Variants in METRNL observed in about 807,000 individuals in gnomAD.
The protein encoded by METRNL is meteorin-like protein.
In METRNL, 9 loss-of-function variants were observed where a neutral mutation model predicts 17.4. The observed-to-expected ratio is 0.52, with a 90% confidence interval of 0.31 to 0.90. The LOEUF (loss-of-function observed/expected upper bound fraction) is 0.90. METRNL is among the 40% of genes least tolerant of loss of function. METRNL has a pLI of 0.05. For synonymous variants in METRNL, 215 were observed against 199.3 expected, an observed-to-expected ratio of 1.08 and a Z score of -0.66; for missense variants, 408 against 430.7, an observed-to-expected ratio of 0.95 and a Z score of 0.47.
chr17:83,086,694 A>C (rs1189584399), intron 2 of METRNL, among the ~76,000 whole-genome samples: 1 of 152,242 alleles, frequency 6.6e-6, no homozygotes, highest in Non-Finnish European at 1.5e-5. Context: ...GCTGCGGGTC[A>C]CATGCTCTGT....
At chr17:83,082,729 A>G (rs2038003843) in intron 1 of METRNL, among the ~76,000 whole-genome samples, 1 of 152,190 alleles carries the variant, frequency 6.6e-6, no homozygotes, top group African/African-American at 2.4e-5. Context: ...TGGAGGTGAG[A>G]GATTTGAGGC....
At position 83,085,147 on chromosome 17, in the gene METRNL, T is replaced by C; in HGVS notation, c.380T>C (p.Leu127Pro). Residue 127 changes from leucine (L) to proline (P), a missense_variant, in exon 2 of 4, where the codon CTG (leucine) becomes CCG (proline). Physicochemically the swap from Leu to Pro is moderately conservative, Grantham distance 98. Coordinates refer to ENST00000320095, the MANE Select transcript of METRNL (RefSeq NM_001004431.3). ...ATTTATTTGGAAAAAACTGGAGAAC[T>C]GAGACTGCTGGTACCAGACGGGGAC... is the stretch of plus-strand genomic sequence containing the variant. ...ANIYLEKTGELRLLVPDGDGR... is the reference protein window; with the variant it reads ...ANIYLEKTGEPRLLVPDGDGR... The C allele has an allele frequency of 6.2e-7, 1 of 1,613,404 alleles. No homozygotes were observed. The highest frequency in any genetic ancestry group is 8.5e-7 in the Non-Finnish European group (1 of 1,179,888).
intron 1 of METRNL, among the ~76,000 whole-genome samples, chr17:83,081,278 G>A (rs1436623753): frequency 1.3e-5 from 2 of 152,136 alleles, no homozygotes; most frequent in African/African-American, 2.4e-5. Flanking sequence ...TTCAGCCCCG[G>A]CTCGCTGCCT....
At chr17:83,086,262 C>A (rs1191031653) in intron 2 of METRNL, among the ~76,000 whole-genome samples, 1 of 152,208 alleles carries the variant, frequency 6.6e-6, no homozygotes, top group East Asian at 1.9e-4. Flanking sequence ...TCTCTGAAAT[C>A]TCTCCCAGGT....
At chr17:83,092,581 G>A (rs1488957820) in intron 2 of METRNL, 1 of 119,476 alleles carries the variant, frequency 8.4e-6, no homozygotes, top group Non-Finnish European at 1.8e-5. Context: ...GGTTGGGGGC[G>A]ACTCTGGGAG....
In METRNL at chr17:83,083,633, G is replaced by A. The variant is rs74809032; in HGVS notation, c.171-1305G>A. On this transcript the variant is annotated intron_variant, in intron 1 of 3. Transcript: ENST00000320095. ...GCCACTCGTGACCTGGGGCCTTGTC[G>A]GGGTGGGGAGAGGGTGAGGAGGGGT... Among the ~76,000 whole-genome samples, 13 of 152,314 alleles carry A rather than the reference G, an allele frequency of 8.5e-5. 1 individual carries two copies. In the East Asian group the frequency reaches 2.3e-3, roughly 27 times the overall value.
At chr17:83,093,754 G>C (rs755078711) in intron 3 of METRNL, among the ~76,000 whole-genome samples, 2 of 152,094 alleles carry the variant, frequency 1.3e-5, no homozygotes, top group Non-Finnish European at 2.9e-5. Context: ...GCCTCCCGTC[G>C]TGTGGTGCCG....
At chr17:83,087,376 G>A (rs1337024883) in intron 2 of METRNL, among the ~76,000 whole-genome samples, 1 of 152,142 alleles carries the variant, frequency 6.6e-6, no homozygotes, top group African/African-American at 2.4e-5. Context: ...GTTCACCGGG[G>A]GCCCCCGGAG....
At position 83,089,297 on chromosome 17, in the gene METRNL, C is replaced by G. The variant is rs147489509; in HGVS notation, c.557-3870C>G. On this transcript the variant is annotated intron_variant, in intron 2 of 3. Coordinates refer to ENST00000320095, the MANE Select transcript of METRNL (RefSeq NM_001004431.3). ...CCGTCACCGGCTCCTCTAAAAGCAG[C>G]GTGTCCCCCCGCTACCCCGTCACCA... Among the ~76,000 whole-genome samples, 799 of 152,246 alleles carry G rather than the reference C, an allele frequency of 5.2e-3. 5 individuals carry two copies. Among genetic ancestry groups the G allele is most frequent in the African/African-American group, 0.016 (673 of 41,540 alleles).
intron 1 of METRNL, among the ~76,000 whole-genome samples, chr17:83,081,850 C>G (rs144801512): frequency 1.3e-5 from 2 of 152,310 alleles, no homozygotes; most frequent in African/African-American, 4.8e-5. Flanking sequence ...CCACACACGT[C>G]ACGAATCAGT....
intron 2 of METRNL, among the ~76,000 whole-genome samples, chr17:83,089,201 G>T (rs2038087309): frequency 6.6e-6 from 1 of 152,026 alleles, no homozygotes; most frequent in East Asian, 1.9e-4. Flanking sequence ...GGGTCCTCGA[G>T]CCCACTGGAG....
chr17:83,086,736 T>C (rs1209884943), intron 2 of METRNL, among the ~76,000 whole-genome samples: 1 of 152,198 alleles, frequency 6.6e-6, no homozygotes, highest in Admixed American at 6.5e-5. Context: ...CTGGGTGAGA[T>C]TCTTAGAGAG....
rs966230382 is a variant in METRNL at position 83,093,185 on chromosome 17, G to A, written c.575G>A (p.Ser192Asn). 3.4e-5 allele frequency: 55 copies of A among 1,608,174 alleles called. No individual in the cohort carries two copies. The highest frequency in any genetic ancestry group is 4.6e-5 in the Non-Finnish European group (54 of 1,179,938). The part of the protein sequence containing the change: ...HELSAPCRPC[S>N]DTEVLLAVCT... ...TCTCCAGCGCCGTGCCGTCCCTGCA[G>A]TGACACCGAGGTGCTCCTAGCCGTC... The change falls in exon 3 of 4, where the codon AGT becomes AAT. Residue 192 changes from serine (S) to asparagine (N), a missense_variant. Physicochemically the swap from Ser to Asn is conservative, Grantham distance 46. Transcript: ENST00000320095.
intron 2 of METRNL, 135 bp downstream of exon 2, chr17:83,085,458 A>C: frequency 8.1e-7 from 1 of 1,238,156 alleles, no homozygotes; most frequent in Non-Finnish European, 1.1e-6. Flanking sequence ...TGTGCTTCGG[A>C]CATGACTGTT....
chr17:83,081,594 C>T lies in METRNL; in HGVS notation c.170+1609C>T, dbSNP rs990980235. Among the ~76,000 whole-genome samples the T allele has an allele frequency of 6.6e-5, 10 of 152,130 alleles. No individual in the cohort carries two copies. In the East Asian group the frequency reaches 1.7e-3, roughly 26 times the overall value. On this transcript the variant is annotated intron_variant, in intron 1 of 3. Coordinates refer to ENST00000320095, the MANE Select transcript of METRNL (RefSeq NM_001004431.3). ...CTTTGCCCTCCAGGACCTGCGCACC[C>T]TCCTGTCTACCTGGAGGCCCTCTTC...
chr17:83,085,243 A>G lies in METRNL; in HGVS notation c.476A>G (p.Gln159Arg), dbSNP rs2038038561. ...CTGTTCGTGGAGGCCACGCCGCAGC[A>G]GGATATCGGCCGGAGGACCACAGGC... is the stretch of plus-strand genomic sequence containing the variant. ...GGLFVEATPQ[Q>R]DIGRRTTGFQ... Residue 159 changes from glutamine to arginine, a missense_variant, in exon 2 of 4, where the codon CAG becomes CGG. Coordinates refer to ENST00000320095, the MANE Select transcript of METRNL (RefSeq NM_001004431.3). The G allele has an allele frequency of 1.9e-6, 3 of 1,583,914 alleles. No individual in the cohort carries two copies. The highest frequency in any genetic ancestry group is 2.2e-5 in the East Asian group (1 of 44,544).
intron 2 of METRNL, among the ~76,000 whole-genome samples, chr17:83,089,367 C>G (rs561058001): frequency 6.6e-6 from 1 of 152,196 alleles, no homozygotes. Context: ...GGTTTCCCGT[C>G]GGAACTGTGT....
chr17:83,082,105 G>T (rs1211295574), intron 1 of METRNL: 3 of 985,250 alleles, frequency 3.0e-6, no homozygotes, highest in South Asian at 4.7e-5. Context: ...TCCCTTCCGT[G>T]GGGGGAGGCG....
intron 2 of METRNL, among the ~76,000 whole-genome samples, chr17:83,090,674 C>T (rs2038121925): frequency 1.3e-5 from 2 of 150,882 alleles, no homozygotes; most frequent in African/African-American, 4.9e-5. Context: ...CTGGGGTCAC[C>T]ACGCTTCTGT....
Sources: gnomAD v4.1 joint callset for allele counts (sites outside exome capture counted in the v4.1 genomes callset) on GRCh38, gnomAD v4.1.1 for gene constraint, MANE v1.5 for transcripts, NCBI Gene and HGNC (gene_info 2026-07-23, HGNC 2026-07-21) for gene names.